JAKMIP3: variants seen among roughly 807,000 people sequenced by gnomAD.
The protein encoded by JAKMIP3 is janus kinase and microtubule-interacting protein 3.
JAKMIP3 carries 58 observed loss-of-function variants against 118.5 expected under a neutral mutation model. That is an observed-to-expected ratio of 0.49 (90% confidence interval 0.40 to 0.61). The LOEUF is 0.61. Ranked by LOEUF, JAKMIP3 falls within the 20% of genes least tolerant of loss-of-function variation. The pLI is 0.00. For missense variants in JAKMIP3, 950 were observed against 1,109.0 expected (o/e 0.86, Z 2.04); for synonymous variants, 486 against 451.2 (o/e 1.08, Z -0.98).
chr10:132,163,548 T>A, intron 20 of JAKMIP3, 136 bp downstream of exon 20: 1 of 728,414 alleles, frequency 1.4e-6, no homozygotes, highest in East Asian at 2.7e-5. Context: ...ACACCCCTCA[T>A]AACACACACT....
chr10:132,070,232 C>G (rs535630805), intron 1 of JAKMIP3, among the ~76,000 whole-genome samples: 3 of 152,238 alleles, frequency 2.0e-5, no homozygotes, highest in African/African-American at 7.2e-5. Context: ...ACTGCAACCT[C>G]TGCCTCCTTG....
At chr10:132,104,573 G>A (rs1248948826) in intron 1 of JAKMIP3, 99 bp from the exon 2 acceptor site, 3 of 555,030 alleles carry the variant, frequency 5.4e-6, no homozygotes, top group Non-Finnish European at 9.7e-6. Context: ...CTGCAATGAG[G>A]TGGGGGGTCC....
chr10:132,062,995 G>A (rs1442153900), upstream of JAKMIP3, among the ~76,000 whole-genome samples: 1 of 152,194 alleles, frequency 6.6e-6, no homozygotes, highest in Admixed American at 6.5e-5. Context: ...GGTTATTTTT[G>A]GACCCGCCGG....
At position 132,112,810 on chromosome 10, in the gene JAKMIP3, A is replaced by G. The variant is rs763630476; in HGVS notation, c.136-4267A>G. Among the ~76,000 whole-genome samples, 9 of 151,254 alleles carry G rather than the reference A, an allele frequency of 6.0e-5. No individual in the cohort carries two copies. Among genetic ancestry groups the G allele is most frequent in the Non-Finnish European group, 1.2e-4 (8 of 67,764 alleles). The stretch of plus-strand genomic sequence containing the variant: ...CCGGCTCACATGGTGGACGCATCTG[A>G]CTCTCCAGCCGCCGCTTCTTGGTCA... On this transcript the variant is annotated intron_variant, in intron 2 of 23. Coordinates refer to ENST00000684848, the MANE Select transcript of JAKMIP3 (RefSeq NM_001323087.2). This position sits in a 1 kb window ranked among gnomAD's most constrained non-coding sequence, Gnocchi z 4.3.
chr10:132,155,452 T>G (rs941158568), intron 19 of JAKMIP3, among the ~76,000 whole-genome samples: 1 of 152,204 alleles, frequency 6.6e-6, no homozygotes, highest in African/African-American at 2.4e-5. Flanking sequence ...CCTGCACTTG[T>G]GGATGTGAGT....
intron 13 of JAKMIP3, among the ~76,000 whole-genome samples, chr10:132,146,797 T>C (rs2054707052): frequency 6.6e-6 from 1 of 152,200 alleles, no homozygotes; most frequent in African/African-American, 2.4e-5. Context: ...ACCCCCATGT[T>C]TCCCGTGGAC....
At chr10:132,058,772 G>C (rs536161554) in intron 1 of JAKMIP3, among the ~76,000 whole-genome samples, 10 of 152,232 alleles carry the variant, frequency 6.6e-5, no homozygotes, top group Non-Finnish European at 1.5e-4. Context: ...AGACGAGGGA[G>C]TCATATGTCT....
intron 3 of JAKMIP3, among the ~76,000 whole-genome samples, chr10:132,119,847 A>G (rs1438820421): frequency 6.6e-6 from 1 of 152,206 alleles, no homozygotes. Flanking sequence ...GATTTTATTA[A>G]CTCATTAATT....
intron 12 of JAKMIP3, 83 bp from the exon 13 acceptor site, chr10:132,145,435 G>A: frequency 7.7e-7 from 1 of 1,305,032 alleles, no homozygotes; most frequent in Non-Finnish European, 1.1e-6. Context: ...ACTGGTCTTT[G>A]GTGTTCTGCC....
chr10:132,046,462 A>T (rs1351440106), intron 1 of JAKMIP3, among the ~76,000 whole-genome samples: 1 of 42,764 alleles, frequency 2.3e-5, no homozygotes, highest in Non-Finnish European at 4.5e-5. Context: ...TCTCAAAAAG[A>T]AAAAAAAAAC....
intron 1 of JAKMIP3, among the ~76,000 whole-genome samples, chr10:132,042,725 C>T (rs1339996459): frequency 6.6e-6 from 1 of 152,138 alleles, no homozygotes; most frequent in East Asian, 1.9e-4. Flanking sequence ...GGTTTTAGAG[C>T]TCTCTGCCAT....
At chr10:132,062,613 G>A (rs1388263843), upstream of JAKMIP3, among the ~76,000 whole-genome samples, 1 of 152,244 alleles carries the variant, frequency 6.6e-6, no homozygotes, top group African/African-American at 2.4e-5. Flanking sequence ...AAAAGGATAT[G>A]TAGAGTATGA....
intron 2 of JAKMIP3, among the ~76,000 whole-genome samples, chr10:132,114,464 C>T (rs2047332818): frequency 6.6e-6 from 1 of 152,194 alleles, no homozygotes; most frequent in Admixed American, 6.5e-5. Flanking sequence ...AAGCCATCCT[C>T]CTGCCTCTGC....
chr10:132,098,133 C>T (rs11818642), intron 1 of JAKMIP3, among the ~76,000 whole-genome samples: 23 of 151,550 alleles, frequency 1.5e-4, no homozygotes, highest in African/African-American at 5.6e-4. Flanking sequence ...CCTCCCAGCC[C>T]CAAGCGATCC....
chr10:132,048,915 C>G (rs1460127037), intron 1 of JAKMIP3, among the ~76,000 whole-genome samples: 3 of 152,188 alleles, frequency 2.0e-5, no homozygotes, highest in African/African-American at 7.2e-5. Context: ...GCTGGGATTA[C>G]AGGCGTGAGC....
In JAKMIP3 at chr10:132,180,523, C is replaced by CTGTGTG. The variant is rs760742595; in HGVS notation, c.*1104-1817_*1104-1812dup. Among the ~76,000 whole-genome samples the CTGTGTG allele has an allele frequency of 3.6e-3, 270 of 74,448 alleles. 91 individuals carry two copies. Among genetic ancestry groups the CTGTGTG allele is most frequent in the African/African-American group, 0.012 (139 of 11,746 alleles). 48.8% of individuals were successfully genotyped at this position (74,448 alleles called of 152,430 possible). A position where few individuals can be genotyped will look rare whatever the true frequency, so the allele number is the denominator to read the frequency against. ...GAAGACTGCAAACCTGGAAGCAGAACTGTGTGTGTGTGTGTGTGTGTGCGT... is the reference window on the plus strand; with the variant it reads ...GAAGACTGCAAACCTGGAAGCAGAACTGTGTGTGTGTGTGTGTGTGTGTGTGTGCGT... On this transcript the variant is annotated intron_variant, in intron 23 of 23. Coordinates refer to ENST00000684848, the MANE Select transcript of JAKMIP3 (RefSeq NM_001323087.2).
intron 3 of JAKMIP3, among the ~76,000 whole-genome samples, chr10:132,120,172 A>G (rs2048319130): frequency 6.6e-6 from 1 of 152,182 alleles, no homozygotes; most frequent in South Asian, 2.1e-4. Flanking sequence ...ATCTTTTCCT[A>G]CAGAATCCAT....
intron 1 of JAKMIP3, among the ~76,000 whole-genome samples, chr10:132,083,395 A>G (rs1324627695): frequency 2.0e-5 from 3 of 151,486 alleles, no homozygotes; most frequent in African/African-American, 7.3e-5. Flanking sequence ...TTTTCTTGCT[A>G]ATTTGTTTGA....
At chr10:132,180,925 AT>A (rs1156728078) in intron 23 of JAKMIP3, among the ~76,000 whole-genome samples, 1 of 151,088 alleles carries the variant, frequency 6.6e-6, no homozygotes, top group East Asian at 1.9e-4. Context: ...CTGTATGTGT[AT>A]TTTGCATTGT....
Sources: gnomAD v4.1 joint callset for allele counts (sites outside exome capture counted in the v4.1 genomes callset) on GRCh38, gnomAD v4.1.1 for gene constraint, Gnocchi (gnomAD v3.1) non-coding constraint, MANE v1.5 for transcripts, NCBI Gene and HGNC (gene_info 2026-07-23, HGNC 2026-07-21) for gene names.